Variants in FHIT observed in about 807,000 individuals in gnomAD.
FHIT encodes the protein fragile histidine triad diadenosine triphosphatase, also known as bis(5'-adenosyl)-triphosphatase.
In FHIT, 19 loss-of-function variants were observed where a neutral mutation model predicts 17.9. That is an observed-to-expected ratio of 1.06 (90% CI 0.74 to 1.56). FHIT has a LOEUF of 1.56. FHIT is among the 40% of genes most tolerant of loss of function. FHIT has a pLI of 0.00. For synonymous variants in FHIT, 81 were observed against 69.7 expected, an observed-to-expected ratio of 1.16 and a Z score of -0.81; for missense variants, 248 against 189.2, an observed-to-expected ratio of 1.31 and a Z score of -1.82.
intron 7 of FHIT, among the ~76,000 whole-genome samples, chr3:59,934,670 C>G (rs1706142208): frequency 2.6e-5 from 4 of 152,260 alleles, no homozygotes; most frequent in Admixed American, 2.6e-4. Flanking sequence ...AGGGAGGCCT[C>G]AGGAAACTTA....
At chr3:60,744,130 T>C (rs1442165509) in intron 4 of FHIT, among the ~76,000 whole-genome samples, 1 of 151,698 alleles carries the variant, frequency 6.6e-6, no homozygotes, top group Admixed American at 6.6e-5. Context: ...CAAAAGCTAC[T>C]ATTTCAATGC....
At chr3:60,275,230 GA>G (rs67928408) in intron 5 of FHIT, among the ~76,000 whole-genome samples, 38,791 of 131,044 alleles carry the variant, frequency 0.3, 5,593 homozygotes, top group East Asian at 0.69. Context: ...TGGAAGAAAA[GA>G]AAAAAAAAAA....
chr3:60,123,216 T>C (rs1287690678), intron 5 of FHIT, among the ~76,000 whole-genome samples: 1 of 152,206 alleles, frequency 6.6e-6, no homozygotes, highest in East Asian at 1.9e-4. Context: ...ATCTTTGCAG[T>C]ATTAGCAAGA....
intron 3 of FHIT, among the ~76,000 whole-genome samples, chr3:60,972,107 T>C (rs955452850): frequency 2.6e-5 from 4 of 152,282 alleles, no homozygotes; most frequent in Middle Eastern, 3.4e-3. Flanking sequence ...GGACTTACAC[T>C]CCACTAAACA....
At chr3:61,103,903 T>TC (rs753751828) in intron 2 of FHIT, among the ~76,000 whole-genome samples, 7 of 150,274 alleles carry the variant, frequency 4.7e-5, no homozygotes, top group East Asian at 1.9e-4. Context: ...TTTTTTTTTT[T>TC]CTTTCCATTT....
intron 4 of FHIT, among the ~76,000 whole-genome samples, chr3:60,572,159 G>A (rs940402293): frequency 2.6e-5 from 4 of 152,128 alleles, no homozygotes; most frequent in Non-Finnish European, 5.9e-5. Context: ...TTAACAATTA[G>A]TATTTGGGCA....
At chr3:60,474,447 T>C (rs573338372) in intron 5 of FHIT, among the ~76,000 whole-genome samples, 36 of 152,306 alleles carry the variant, frequency 2.4e-4, no homozygotes, top group Non-Finnish European at 4.1e-4. Context: ...TTCAATTTTA[T>C]AGAGCTAAAT....
At chr3:60,022,499 A>C (rs1172799621) in intron 5 of FHIT, among the ~76,000 whole-genome samples, 2 of 152,194 alleles carry the variant, frequency 1.3e-5, no homozygotes, top group African/African-American at 4.8e-5. Context: ...TATTTCCTTC[A>C]CCAAGACAGG....
rs141645246 is a variant in FHIT, at chr3:60,298,429, T to C, written c.103+238431A>G. ...CCAGAGATTTCACAAGTTTTAGGAATTGTGCACCCGGAACCAGGGGCAGAG... is the reference window on the plus strand; with the variant it reads ...CCAGAGATTTCACAAGTTTTAGGAACTGTGCACCCGGAACCAGGGGCAGAG... On this transcript the variant is annotated intron_variant, in intron 5 of 9. Transcript: ENST00000492590. Among the ~76,000 whole-genome samples the C allele has an allele frequency of 4.4e-3, 664 of 152,236 alleles. 14 individuals are homozygous for C. The South Asian group carries it at 0.051, about 12-fold the overall frequency.
At chr3:60,215,654 A>C (rs146480992) in intron 5 of FHIT, among the ~76,000 whole-genome samples, 1 of 152,336 alleles carries the variant, frequency 6.6e-6, no homozygotes, top group East Asian at 1.9e-4. Context: ...AATATCAATG[A>C]GTCTGTCTAA....
At chr3:61,183,990 A>G (rs1007735156) in intron 2 of FHIT, among the ~76,000 whole-genome samples, 4 of 151,858 alleles carry the variant, frequency 2.6e-5, no homozygotes, top group African/African-American at 9.7e-5. Context: ...CTTCTTTCTC[A>G]GTCTGAATCT....
chr3:60,788,708 T>C (rs1700668762), intron 4 of FHIT, among the ~76,000 whole-genome samples: 1 of 152,116 alleles, frequency 6.6e-6, no homozygotes, highest in African/African-American at 2.4e-5. Context: ...CTCCATAGAA[T>C]TGTTCAGTGT....
chr3:60,011,028 A>G (rs1700116004), intron 7 of FHIT, among the ~76,000 whole-genome samples: 1 of 152,200 alleles, frequency 6.6e-6, no homozygotes, highest in South Asian at 2.1e-4. Flanking sequence ...CAGGCTTAAC[A>G]TGGGGCTGCA....
chr3:60,412,231 G>A (rs1201479530), intron 5 of FHIT, among the ~76,000 whole-genome samples: 2 of 152,006 alleles, frequency 1.3e-5, no homozygotes, highest in Non-Finnish European at 2.9e-5. Context: ...AGATACATAG[G>A]TAAATAAAAC....
intron 3 of FHIT, among the ~76,000 whole-genome samples, chr3:60,912,341 C>G (rs1706789536): frequency 6.6e-6 from 1 of 152,126 alleles, no homozygotes; most frequent in South Asian, 2.1e-4. Flanking sequence ...TGAATCCTGG[C>G]TTACTCATTG....
chr3:60,482,792 C>CA (rs2033668799), intron 5 of FHIT, among the ~76,000 whole-genome samples: 1 of 151,058 alleles, frequency 6.6e-6, no homozygotes, highest in Non-Finnish European at 1.5e-5. Context: ...AGAAAAAAAT[C>CA]CAAAAGCCAG....
intron 4 of FHIT, among the ~76,000 whole-genome samples, chr3:60,736,561 A>G (rs1294387617): frequency 6.6e-6 from 1 of 152,220 alleles, no homozygotes; most frequent in Admixed American, 6.5e-5. Flanking sequence ...ATATCATATG[A>G]TTCCATTTAT....
intron 2 of FHIT, among the ~76,000 whole-genome samples, chr3:61,188,011 A>G (rs2038577267): frequency 6.6e-6 from 1 of 152,196 alleles, no homozygotes. Context: ...CTAACATCAC[A>G]AATTAAAGAA....
At chr3:60,923,845 G>A (rs572859060) in intron 3 of FHIT, among the ~76,000 whole-genome samples, 13 of 152,250 alleles carry the variant, frequency 8.5e-5, no homozygotes, top group South Asian at 2.1e-4. Context: ...CTGGAAAATC[G>A]GGTCACTCCC....
Sources: gnomAD v4.1 joint callset for allele counts (sites outside exome capture counted in the v4.1 genomes callset) on GRCh38, gnomAD v4.1.1 for gene constraint, MANE v1.5 for transcripts, NCBI Gene and HGNC (gene_info 2026-07-23, HGNC 2026-07-21) for gene names.